Variants in NCAM2 observed in about 807,000 individuals in gnomAD.
NCAM2 encodes neural cell adhesion molecule 2.
NCAM2 carries 30 observed loss-of-function variants against 98.1 expected under a neutral mutation model. The ratio of observed to expected loss-of-function variants is 0.31; its 90% CI spans 0.23 to 0.41. The LOEUF (loss-of-function observed/expected upper bound fraction) is 0.41. NCAM2 is among the 10% of genes least tolerant of loss of function. The pLI, the probability that NCAM2 is intolerant of heterozygous loss-of-function variation, is 1.00. For synonymous variants in NCAM2, 368 were observed against 342.4 expected, an observed-to-expected ratio of 1.07 and a Z score of -0.83; for missense variants, 867 against 1,005.8, an observed-to-expected ratio of 0.86 and a Z score of 1.87.
intron 1 of NCAM2, among the ~76,000 whole-genome samples, chr21:21,156,742 A>G (rs909355413): frequency 6.6e-6 from 1 of 152,102 alleles, no homozygotes; most frequent in Admixed American, 6.6e-5. Context: ...AATTTCTTCC[A>G]GAAACCAGAA....
intron 9 of NCAM2, among the ~76,000 whole-genome samples, chr21:21,408,559 C>T (rs890901682): frequency 1.3e-5 from 2 of 152,006 alleles, no homozygotes; most frequent in African/African-American, 4.8e-5. Context: ...ATAGGATTCA[C>T]AGCACCAAAA....
chr21:21,087,006 C>A lies in NCAM2; in HGVS notation c.55+88388C>A, dbSNP rs556090944. On this transcript the variant is annotated intron_variant, in intron 1 of 17. Transcript: ENST00000400546. ...TTGATCGTTTTGTAGACATATCTAA[C>A]ATTGTAACCTGTCTTCCCAGAAAGG... Among the ~76,000 whole-genome samples, 42 of 151,124 alleles carry A rather than the reference C, an allele frequency of 2.8e-4. 1 individual carries two copies. In the South Asian group the frequency reaches 5.4e-3, roughly 20 times the overall value.
intron 16 of NCAM2, among the ~76,000 whole-genome samples, chr21:21,514,879 G>T (rs1476258158): frequency 1.3e-5 from 2 of 152,040 alleles, no homozygotes; most frequent in Non-Finnish European, 2.9e-5. Context: ...ACCAATGCCA[G>T]ACTTTATTAA....
At chr21:21,125,766 T>G (rs978922368) in intron 1 of NCAM2, among the ~76,000 whole-genome samples, 1 of 147,848 alleles carries the variant, frequency 6.8e-6, no homozygotes, top group African/African-American at 2.5e-5. Context: ...ACATATTCTT[T>G]TTTTTCAAAC....
intron 5 of NCAM2, 28 bp downstream of exon 5, chr21:21,292,269 T>C: frequency 1.9e-6 from 3 of 1,587,390 alleles, no homozygotes; most frequent in Non-Finnish European, 2.6e-6. Context: ...TGTACATGTT[T>C]TATGGATTCA....
At chr21:21,359,420 T>A (rs1461162716) in intron 8 of NCAM2, among the ~76,000 whole-genome samples, 2 of 151,998 alleles carry the variant, frequency 1.3e-5, no homozygotes, top group African/African-American at 4.8e-5. Flanking sequence ...CAGAAAAGTC[T>A]AGTCATATGT....
At chr21:21,113,757 G>A (rs913297389) in intron 1 of NCAM2, among the ~76,000 whole-genome samples, 3 of 152,116 alleles carry the variant, frequency 2.0e-5, no homozygotes, top group African/African-American at 7.2e-5. Context: ...TATTGTAAAT[G>A]TTTAATGTGT....
chr21:21,081,732 T>C lies in NCAM2; in HGVS notation c.55+83114T>C, dbSNP rs557069479. 1.1e-4 allele frequency among the ~76,000 whole-genome samples: 16 copies of C among 151,038 alleles called. No individual in the cohort carries two copies. In the South Asian group the frequency reaches 3.4e-3, roughly 32 times the overall value. ...AGGAGAATTGCTTGAACCCAGGAGG[T>C]GGAGGTTGCAGTGAGCCGAGATCTT... On this transcript the variant is annotated intron_variant, in intron 1 of 17. Transcript: ENST00000400546.
Position 21,403,074 on chromosome 21 carries a change from T to A in NCAM2, c.1196-7200T>A, listed in dbSNP as rs988737269. 2.0e-5 allele frequency among the ~76,000 whole-genome samples: 3 copies of A among 152,308 alleles called. No homozygotes were observed. The South Asian group carries it at 6.2e-4, about 32-fold the overall frequency. ...TAGTGATGTGGAACATTTTTTAAAA[T>A]ACCTGTTGGCCACTTATTTACCTTC... On this transcript the variant is annotated intron_variant, in intron 9 of 17. Coordinates refer to ENST00000400546, the MANE Select transcript of NCAM2 (RefSeq NM_004540.5).
intron 1 of NCAM2, among the ~76,000 whole-genome samples, chr21:21,100,691 A>G (rs924423531): frequency 6.6e-6 from 1 of 151,996 alleles, no homozygotes; most frequent in Non-Finnish European, 1.5e-5. Flanking sequence ...TTGTGGGTGT[A>G]GTTGGCCTTT....
chr21:21,200,964 A>G (rs114305075), intron 1 of NCAM2, among the ~76,000 whole-genome samples: 2,657 of 152,186 alleles, frequency 0.017, 63 homozygotes, highest in African/African-American at 0.061. Flanking sequence ...CAGAGTGCAT[A>G]TTAATGAGTG....
At chr21:21,045,937 A>G (rs190275318) in intron 1 of NCAM2, among the ~76,000 whole-genome samples, 5 of 152,246 alleles carry the variant, frequency 3.3e-5, no homozygotes, top group African/African-American at 9.6e-5. Context: ...TATCTTTACA[A>G]CTTCTGGAGC....
At chr21:21,192,993 AC>A (rs2146972895) in intron 1 of NCAM2, among the ~76,000 whole-genome samples, 1 of 152,318 alleles carries the variant, frequency 6.6e-6, no homozygotes, top group African/African-American at 2.4e-5. Context: ...TTACACACTT[AC>A]CAATCATGGG....
At chr21:21,374,882 C>T (rs541153283) in intron 9 of NCAM2, among the ~76,000 whole-genome samples, 5 of 151,598 alleles carry the variant, frequency 3.3e-5, no homozygotes, top group African/African-American at 9.7e-5. Flanking sequence ...TCGAGAATGC[C>T]TTCAAAAAGA....
At chr21:21,289,912 G>T (rs942707566) in intron 4 of NCAM2, among the ~76,000 whole-genome samples, 1 of 151,920 alleles carries the variant, frequency 6.6e-6, no homozygotes. Context: ...GAATAGTTCA[G>T]GTCCTAATGA....
At chr21:21,504,594 A>C (rs550017005) in intron 15 of NCAM2, among the ~76,000 whole-genome samples, 7 of 151,984 alleles carry the variant, frequency 4.6e-5, no homozygotes, top group African/African-American at 1.7e-4. Flanking sequence ...TGGACTTTTT[A>C]TGCCAGAGTA....
At chr21:21,442,202 A>C (rs1037115399) in intron 12 of NCAM2, among the ~76,000 whole-genome samples, 3 of 151,980 alleles carry the variant, frequency 2.0e-5, no homozygotes, top group South Asian at 2.1e-4. Context: ...GAAAGAGTGC[A>C]ATAAGGCGGA....
intron 16 of NCAM2, among the ~76,000 whole-genome samples, chr21:21,524,739 G>C (rs549437154): frequency 6.6e-6 from 1 of 151,998 alleles, no homozygotes; most frequent in Non-Finnish European, 1.5e-5. Context: ...CCTAGAATAG[G>C]CACCAAGATA....
intron 15 of NCAM2, among the ~76,000 whole-genome samples, chr21:21,486,246 G>A (rs1347497553): frequency 3.9e-4 from 56 of 144,830 alleles, no homozygotes; most frequent in Admixed American, 3.7e-3. Flanking sequence ...GGAGCTTGCA[G>A]TGAGCCGAGA....
Sources: allele counts gnomAD v4.1 joint callset (sites outside exome capture counted in the v4.1 genomes callset), GRCh38; gene constraint gnomAD v4.1.1; transcripts MANE v1.5; gene names NCBI Gene and HGNC (gene_info 2026-07-23, HGNC 2026-07-21).